TCF12: variants seen among roughly 807,000 people sequenced by gnomAD.
TCF12 encodes transcription factor 12.
Under a neutral mutation model 86.0 loss-of-function variants are expected in TCF12, and 45 were observed. The ratio of observed to expected loss-of-function variants is 0.52; its 90% CI spans 0.41 to 0.67. The LOEUF is 0.67. TCF12 is among the 30% of genes least tolerant of loss of function. The pLI is 0.00. For synonymous variants in TCF12, 330 were observed against 299.6 expected, an observed-to-expected ratio of 1.10 and a Z score of -1.05; for missense variants, 881 against 859.9, an observed-to-expected ratio of 1.02 and a Z score of -0.31.
chr15:57,281,573 C>T (rs1243665702), intron 19 of TCF12: 2 of 152,266 alleles, frequency 1.3e-5, no homozygotes, highest in African/African-American at 2.4e-5. Flanking sequence ...TACCGACACT[C>T]CCCATCATTT....
At chr15:57,271,134 ACTGT>A (rs775135533) in intron 18 of TCF12, among the ~76,000 whole-genome samples, 2 of 152,198 alleles carry the variant, frequency 1.3e-5, no homozygotes, top group Non-Finnish European at 1.5e-5. Flanking sequence ...GTCTGGAGAA[ACTGT>A]CTGCTGCCTT....
At chr15:57,156,682 C>G (rs936178366) in intron 5 of TCF12, among the ~76,000 whole-genome samples, 1 of 152,208 alleles carries the variant, frequency 6.6e-6, no homozygotes, top group Non-Finnish European at 1.5e-5. Flanking sequence ...GCAAACAACA[C>G]AAGTCTGGAA....
In TCF12 at chr15:57,110,211, A is replaced by G. The variant is rs562170219; in HGVS notation, c.325+18320A>G. On this transcript the variant is annotated intron_variant, in intron 5 of 20. Transcript: ENST00000333725. ...AAGGGTCAATAAAATACACAATAAG[A>G]AAGATTTAATTAATGTGATCAAGGT... Among the ~76,000 whole-genome samples the G allele has an allele frequency of 2.6e-5, 4 of 152,324 alleles. No homozygotes were observed. In the South Asian group the frequency reaches 8.3e-4, roughly 32 times the overall value.
rs571665595 is a variant in TCF12 at position 56,987,148 on chromosome 15, T to C, written c.148+66050T>C. Among the ~76,000 whole-genome samples, 8 of 152,192 alleles carry C rather than the reference T, an allele frequency of 5.3e-5. No homozygotes were observed. The South Asian group carries it at 1.7e-3, about 32-fold the overall frequency. ...CCCTGAGACAAGAGTTTCGCTCTTG[T>C]TGCCCAGGCCTGGAGTTCAGTGGCG... On this transcript the variant is annotated intron_variant, in intron 3 of 20. Coordinates refer to ENST00000333725, the MANE Select transcript of TCF12 (RefSeq NM_207037.2).
rs553565156 is a variant in TCF12 at position 57,215,507 on chromosome 15, T to C, written c.580-15645T>C. ...CTTCATTTATTACTCTGAAAGTCTG[T>C]TTTCCAAGATTTGATTCACTTAGAA... On this transcript the variant is annotated intron_variant, in intron 8 of 20. Coordinates refer to ENST00000333725, the MANE Select transcript of TCF12 (RefSeq NM_207037.2). Among the ~76,000 whole-genome samples the C allele has an allele frequency of 2.6e-5, 4 of 152,290 alleles. No individual in the cohort carries two copies. The East Asian group carries it at 7.7e-4, about 29-fold the overall frequency.
chr15:57,187,455 A>G (rs547858280), intron 6 of TCF12, among the ~76,000 whole-genome samples: 1 of 152,342 alleles, frequency 6.6e-6, no homozygotes, highest in South Asian at 2.1e-4. Context: ...CATTAGAAGA[A>G]TTATTGTCTT....
chr15:57,238,016 G>A (rs1303044700), intron 12 of TCF12, among the ~76,000 whole-genome samples: 1 of 152,126 alleles, frequency 6.6e-6, no homozygotes, highest in African/African-American at 2.4e-5. Context: ...GTAAATTTAG[G>A]AAAAGTATTG....
intron 5 of TCF12, among the ~76,000 whole-genome samples, chr15:57,138,550 A>AGT (rs2052725440): frequency 6.6e-6 from 1 of 152,210 alleles, no homozygotes; most frequent in African/African-American, 2.4e-5. Context: ...ATCTAACCGA[A>AGT]AGGAAAAGTG....
At chr15:57,274,444 A>G (rs2061287941) in intron 19 of TCF12, among the ~76,000 whole-genome samples, 1 of 152,194 alleles carries the variant, frequency 6.6e-6, no homozygotes, top group Admixed American at 6.5e-5. Context: ...ATATCTGTGG[A>G]GTATAAATGT....
chr15:57,265,342 G>A (rs1202769716), intron 18 of TCF12, among the ~76,000 whole-genome samples: 6 of 151,966 alleles, frequency 3.9e-5, no homozygotes, highest in Middle Eastern at 6.8e-3. Flanking sequence ...AAAAATGTGC[G>A]TATTAGGTTG....
chr15:57,025,393 C>T (rs1294366770), intron 3 of TCF12, among the ~76,000 whole-genome samples: 7 of 152,110 alleles, frequency 4.6e-5, no homozygotes, highest in Non-Finnish European at 8.8e-5. Context: ...GCCCTTTTCA[C>T]TAAAATCACA....
chr15:57,054,378 A>G (rs527407231), intron 3 of TCF12, among the ~76,000 whole-genome samples: 3 of 152,384 alleles, frequency 2.0e-5, no homozygotes, highest in East Asian at 1.9e-4. Flanking sequence ...AATGGGTACC[A>G]TAAAAACAAA....
intron 5 of TCF12, among the ~76,000 whole-genome samples, chr15:57,097,202 C>A (rs1269870155): frequency 6.6e-6 from 1 of 152,000 alleles, no homozygotes; most frequent in Non-Finnish European, 1.5e-5. Flanking sequence ...TGTAGAATCA[C>A]CATTTTCAGA....
Position 57,262,144 on chromosome 15 carries a change from C to T in TCF12, c.1518C>T (p.Val506=). Reference sequence around the variant, plus strand: ...TCAGTCTCAATGGCAATCATTCAGTCCTGTCTAGTACAGTCACTACTTCAA... The same window carrying T: ...TCAGTCTCAATGGCAATCATTCAGTTCTGTCTAGTACAGTCACTACTTCAA... ...DSVSLNGNHS[V]LSSTVTTSST... Residue 506 remains valine (V), a synonymous_variant, in exon 17 of 21, where the codon GTC becomes GTT. Coordinates refer to ENST00000333725, the MANE Select transcript of TCF12 (RefSeq NM_207037.2). 4 of 1,613,714 alleles carry T rather than the reference C, an allele frequency of 2.5e-6. No homozygotes were observed. Among genetic ancestry groups the T allele is most frequent in the Non-Finnish European group, 3.4e-6 (4 of 1,179,744 alleles).
chr15:57,124,595 G>C (rs1335018993), intron 5 of TCF12, among the ~76,000 whole-genome samples: 3 of 152,128 alleles, frequency 2.0e-5, no homozygotes, highest in Non-Finnish European at 4.4e-5. Flanking sequence ...AGAAGTCCTT[G>C]TGCTGGCCTC....
In TCF12 at chr15:57,210,813, A is replaced by C. The variant is rs574109505; in HGVS notation, c.579+12988A>C. On this transcript the variant is annotated intron_variant, in intron 8 of 20. Transcript: ENST00000333725. ...CTTTACTCCCTTACTTTATCCTGTAAACTTTCCAACCTACATACTCACTAC... is the reference window on the plus strand; with the variant it reads ...CTTTACTCCCTTACTTTATCCTGTACACTTTCCAACCTACATACTCACTAC... Among the ~76,000 whole-genome samples, 6 of 152,272 alleles carry C rather than the reference A, an allele frequency of 3.9e-5. No individual in the cohort carries two copies. In the South Asian group the frequency reaches 1.2e-3, roughly 32 times the overall value.
intron 11 of TCF12, among the ~76,000 whole-genome samples, chr15:57,233,260 C>T (rs1337649842): frequency 6.6e-6 from 1 of 151,950 alleles, no homozygotes; most frequent in Non-Finnish European, 1.5e-5. Context: ...GCAGCCTCAA[C>T]CTCCAAGGTT....
At chr15:57,082,412 C>CTTTA (rs56763264) in intron 4 of TCF12, among the ~76,000 whole-genome samples, 86,342 of 151,516 alleles carry the variant, frequency 0.57, 24,787 homozygotes, top group Admixed American at 0.61. Flanking sequence ...ATGTATGCAA[C>CTTTA]TTTATAGAAA....
chr15:56,977,559 GTGTGTA>G (rs1366746900), intron 3 of TCF12, among the ~76,000 whole-genome samples: 4 of 149,842 alleles, frequency 2.7e-5, no homozygotes, highest in African/African-American at 7.4e-5. Flanking sequence ...GTGTGTGTGT[GTGTGTA>G]TGTATGTGTG....
Sources: gnomAD v4.1 joint callset for allele counts (sites outside exome capture counted in the v4.1 genomes callset) on GRCh38, gnomAD v4.1.1 for gene constraint, MANE v1.5 for transcripts, NCBI Gene and HGNC (gene_info 2026-07-23, HGNC 2026-07-21) for gene names.